TRAPPC8: variants seen among roughly 807,000 people sequenced by gnomAD.
TRAPPC8 encodes general sporulation gene 1 homolog.
Under a neutral mutation model 174.3 loss-of-function variants are expected in TRAPPC8, and 54 were observed. That is an observed-to-expected ratio of 0.31 (90% CI 0.25 to 0.39). The LOEUF (loss-of-function observed/expected upper bound fraction) is 0.39. Ranked by LOEUF, TRAPPC8 falls within the 10% of genes least tolerant of loss-of-function variation. The pLI is 1.00. For synonymous variants in TRAPPC8, 630 were observed against 579.9 expected, an observed-to-expected ratio of 1.09 and a Z score of -1.24; for missense variants, 1,531 against 1,699.1, an observed-to-expected ratio of 0.90 and a Z score of 1.74.
intron 1 of TRAPPC8, among the ~76,000 whole-genome samples, chr18:31,940,241 C>T (rs1047658778): frequency 6.6e-6 from 1 of 152,004 alleles, no homozygotes; most frequent in Non-Finnish European, 1.5e-5. Flanking sequence ...CTTTGGGAGG[C>T]GGAGGCGGGC....
Position 31,942,862 on chromosome 18 carries a change from C to G in TRAPPC8, c.-98G>C, listed in dbSNP as rs933384899. 1 of 1,257,566 alleles carries G rather than the reference C, an allele frequency of 8.0e-7. No individual in the cohort carries two copies. Among genetic ancestry groups the G allele is most frequent in the African/African-American group, 1.6e-5 (1 of 64,432 alleles). The allele number at this position is 1,257,566 out of a possible 1,614,324, so 77.9% of individuals were successfully genotyped here. A position where few individuals can be genotyped will look rare whatever the true frequency, so the allele number is the denominator to read the frequency against. ...TACCGCCGCCGCCCGCCGGCCTGGCCCGGCCGGGCGGGGCCCCGAACGCAC... is the reference window on the plus strand; with the variant it reads ...TACCGCCGCCGCCCGCCGGCCTGGCGCGGCCGGGCGGGGCCCCGAACGCAC... On this transcript the variant is annotated 5_prime_UTR_variant, in exon 1 of 29. Coordinates refer to ENST00000283351, the MANE Select transcript of TRAPPC8 (RefSeq NM_014939.5).
At chr18:31,858,058 C>CTTTTTTT in intron 19 of TRAPPC8, 76 bp from the exon 20 acceptor site, 2 of 977,216 alleles carry the variant, frequency 2.0e-6, no homozygotes, top group Non-Finnish European at 2.9e-6. Context: ...CTTTAAGACA[C>CTTTTTTT]TTTTTTTTTT....
chr18:31,932,243 T>C (rs2037878287), intron 1 of TRAPPC8, among the ~76,000 whole-genome samples: 2 of 152,038 alleles, frequency 1.3e-5, no homozygotes, highest in Admixed American at 6.6e-5. Context: ...CTGGCCAACA[T>C]GGCAAAACCT....
At chr18:31,837,010 C>T (rs915294571) in intron 27 of TRAPPC8, among the ~76,000 whole-genome samples, 5 of 152,018 alleles carry the variant, frequency 3.3e-5, no homozygotes, top group African/African-American at 4.8e-5. Context: ...GATCCGCCCG[C>T]CTTGGCCTCC....
chr18:31,869,849 G>A (rs945445903), intron 16 of TRAPPC8, among the ~76,000 whole-genome samples: 1 of 152,186 alleles, frequency 6.6e-6, no homozygotes, highest in African/African-American at 2.4e-5. Flanking sequence ...AGCACTTCGG[G>A]AGGCTGAGGC....
At chr18:31,874,819 G>A (rs1279151286) in intron 12 of TRAPPC8, 115 bp from the exon 13 acceptor site, 5 of 760,702 alleles carry the variant, frequency 6.6e-6, no homozygotes, top group Non-Finnish European at 1.0e-5. Flanking sequence ...CTCTAAGGGG[G>A]ACTGGGATAA....
At chr18:31,891,402 G>T (rs994897349) in intron 11 of TRAPPC8, among the ~76,000 whole-genome samples, 5 of 152,018 alleles carry the variant, frequency 3.3e-5, no homozygotes, top group African/African-American at 1.2e-4. Context: ...GGGCCAAATC[G>T]ACTGCATTTC....
At chr18:31,926,108 C>T (rs1215136422) in intron 2 of TRAPPC8, among the ~76,000 whole-genome samples, 1 of 152,156 alleles carries the variant, frequency 6.6e-6, no homozygotes, top group African/African-American at 2.4e-5. Flanking sequence ...CACCATTTCC[C>T]AGCTTTTATT....
intron 11 of TRAPPC8, chr18:31,895,793 C>G (rs905423808): frequency 6.6e-6 from 1 of 152,176 alleles, no homozygotes; most frequent in African/African-American, 2.4e-5. Context: ...TACTCAAAAG[C>G]CTTATTCAGC....
At chr18:31,925,304 T>C (rs1003620116) in intron 2 of TRAPPC8, among the ~76,000 whole-genome samples, 2 of 151,354 alleles carry the variant, frequency 1.3e-5, no homozygotes, top group Admixed American at 6.6e-5. Context: ...TATTACTATC[T>C]TCAGAGTTAA....
rs2032299033 is a variant in TRAPPC8, at chr18:31,830,577, A to AT, written c.*177dup. The stretch of plus-strand genomic sequence containing the variant: ...GGGTTTAAAGAAATACAGAAAAAGA[A>AT]TGTTAAGTATTCTCAGTCCAACGTG... On this transcript the variant is annotated 3_prime_UTR_variant, in exon 29 of 29. Transcript: ENST00000283351. The AT allele has an allele frequency of 3.4e-6, 2 of 582,832 alleles. No individual in the cohort carries two copies. The highest frequency in any genetic ancestry group is 3.7e-5 in the African/African-American group (2 of 53,568). 36.1% of individuals were successfully genotyped at this position (582,832 alleles called of 1,614,324 possible). A position where few individuals can be genotyped will look rare whatever the true frequency, so the allele number is the denominator to read the frequency against.
In TRAPPC8 at chr18:31,894,183, C is replaced by T. The variant is rs1328242640; in HGVS notation, c.1597-3317G>A. Among the ~76,000 whole-genome samples, 3 of 152,260 alleles carry T rather than the reference C, an allele frequency of 2.0e-5. No homozygotes were observed. The East Asian group carries it at 5.8e-4, about 29-fold the overall frequency. On this transcript the variant is annotated intron_variant, in intron 11 of 28. Transcript: ENST00000283351. ...ACTGACTGAGAATCAGTTTCTAGAG[C>T]TGAATACCATGTTTTCATATCTTGG...
Position 31,857,551 on chromosome 18 carries a change from C to G in TRAPPC8, c.3177G>C (p.Gln1059His). Reference protein sequence around the residue: ...FLFYYESVKKQPKIRHRILRH... With the variant: ...FLFYYESVKKHPKIRHRILRH... ...TTTATAATACTAACCGTATTTTTGGCTGCTTTTTGACACTTTCATAGTAAA... is the reference window on the plus strand; with the variant it reads ...TTTATAATACTAACCGTATTTTTGGGTGCTTTTTGACACTTTCATAGTAAA... The change falls in exon 20 of 29, where the codon CAG (glutamine) becomes CAC (histidine). Residue 1059 changes from glutamine (Q) to histidine (H), a missense_variant. Physicochemically the swap from Gln to His is conservative, Grantham distance 24. Coordinates refer to ENST00000283351, the MANE Select transcript of TRAPPC8 (RefSeq NM_014939.5). 1.3e-6 allele frequency: 2 copies of G among 1,587,346 alleles called. No homozygotes were observed. Among genetic ancestry groups the G allele is most frequent in the Non-Finnish European group, 1.7e-6 (2 of 1,168,010 alleles).
At chr18:31,938,811 G>A (rs1244031807) in intron 1 of TRAPPC8, among the ~76,000 whole-genome samples, 1 of 152,202 alleles carries the variant, frequency 6.6e-6, no homozygotes, top group African/African-American at 2.4e-5. Context: ...GCCTAGCTCA[G>A]TGGCTCATGC....
At chr18:31,915,202 C>T (rs1432376931) in intron 4 of TRAPPC8, among the ~76,000 whole-genome samples, 1 of 152,220 alleles carries the variant, frequency 6.6e-6, no homozygotes, top group African/African-American at 2.4e-5. Flanking sequence ...GGCGAGGTGG[C>T]TCACGCCTGT....
intron 26 of TRAPPC8, among the ~76,000 whole-genome samples, chr18:31,840,442 A>G (rs1598587375): frequency 6.6e-6 from 1 of 152,098 alleles, no homozygotes; most frequent in East Asian, 1.9e-4. Flanking sequence ...AAGTAGAGAA[A>G]CATCCCATTT....
chr18:31,879,169 T>C (rs1260351760), intron 12 of TRAPPC8, among the ~76,000 whole-genome samples: 1 of 152,192 alleles, frequency 6.6e-6, no homozygotes, highest in African/African-American at 2.4e-5. Context: ...AACTACAGGA[T>C]ATACATTTTT....
At chr18:31,868,153 T>A (rs183518700) in intron 16 of TRAPPC8, among the ~76,000 whole-genome samples, 197 of 152,258 alleles carry the variant, frequency 1.3e-3, no homozygotes, top group Middle Eastern at 6.8e-3. Flanking sequence ...AGCAATGACA[T>A]TTCTCTGGTC....
rs533625758 is a variant in TRAPPC8, at chr18:31,870,099, A to T, written c.2388+273T>A. ...AGCGTGAGACTCTGTCTCAAAAAAA[A>T]AAAAAATAAAAACAAAATGACTGGA... On this transcript the variant is annotated intron_variant, in intron 16 of 28. Coordinates refer to ENST00000283351, the MANE Select transcript of TRAPPC8 (RefSeq NM_014939.5). 3.6e-3 allele frequency: 672 copies of T among 186,720 alleles called. 4 individuals are homozygous for T. Among genetic ancestry groups the T allele is most frequent in the Non-Finnish European group, 5.5e-3 (503 of 91,280 alleles). The allele number at this position is 186,720 out of a possible 1,614,324, so 11.6% of individuals were successfully genotyped here. A position where few individuals can be genotyped will look rare whatever the true frequency, so the allele number is the denominator to read the frequency against.
Sources: allele counts gnomAD v4.1 joint callset (sites outside exome capture counted in the v4.1 genomes callset), GRCh38; gene constraint gnomAD v4.1.1; transcripts MANE v1.5; gene names NCBI Gene and HGNC (gene_info 2026-07-23, HGNC 2026-07-21).